The following PPP1R36 variants were observed in gnomAD, a reference collection of about 807,000 sequenced individuals.
PPP1R36 encodes chromosome 14 open reading frame 50.
PPP1R36 carries 47 observed loss-of-function variants against 53.4 expected under a neutral mutation model. The observed-to-expected ratio is 0.88, with a 90% CI of 0.70 to 1.12. The LOEUF is 1.12. PPP1R36 is among the 50% of genes most tolerant of loss of function. The pLI, the probability that PPP1R36 is intolerant of heterozygous loss-of-function variation, is 0.00. For synonymous variants in PPP1R36, 153 were observed against 170.5 expected (o/e 0.90, Z 0.80); for missense variants, 456 against 513.9 (o/e 0.89, Z 1.09).
intron 7 of PPP1R36, among the ~76,000 whole-genome samples, chr14:64,571,339 C>A (rs890096911): frequency 7.9e-5 from 12 of 152,066 alleles, no homozygotes; most frequent in African/African-American, 2.9e-4. Flanking sequence ...GTTGGCCAGG[C>A]TGACCTTGAA....
intron 1 of PPP1R36, among the ~76,000 whole-genome samples, chr14:64,550,679 A>G (rs763589392): frequency 5.9e-5 from 9 of 151,610 alleles, no homozygotes; most frequent in Non-Finnish European, 1.3e-4. Context: ...CTGCCGTTCT[A>G]CTGAAGCCAC....
intron 3 of PPP1R36, among the ~76,000 whole-genome samples, chr14:64,554,139 A>ATT (rs1235272685): frequency 1.1e-4 from 12 of 109,048 alleles, no homozygotes; most frequent in Non-Finnish European, 2.2e-4. Context: ...TCCCATCACA[A>ATT]TTGTTTTTTT....
chr14:64,586,293 A>C (rs1251874729), intron 8 of PPP1R36: 1 of 152,296 alleles, frequency 6.6e-6, no homozygotes, highest in Non-Finnish European at 1.5e-5. Context: ...CTTAACATTG[A>C]ATTTGTGTTG....
intron 10 of PPP1R36, 83 bp from the exon 11 acceptor site, chr14:64,588,021 G>A (rs558902179): frequency 7.5e-7 from 1 of 1,330,916 alleles, no homozygotes; most frequent in Non-Finnish European, 1.0e-6. Flanking sequence ...TGGGATTACA[G>A]GCATGAGCCA....
chr14:64,550,222 AG>A, intron 1 of PPP1R36, 156 bp downstream of exon 1: 1 of 1,369,152 alleles, frequency 7.3e-7, no homozygotes, highest in East Asian at 2.8e-5. Context: ...ATATTTGCCT[AG>A]AAAAAAAAAA....
intron 8 of PPP1R36, chr14:64,586,510 C>T (rs951197065): frequency 9.0e-6 from 2 of 222,350 alleles, no homozygotes; most frequent in Admixed American, 5.7e-5. Flanking sequence ...TTCTCTGCTT[C>T]CTCTTTACCA....
chr14:64,567,853 G>T (rs1275477635), intron 6 of PPP1R36, among the ~76,000 whole-genome samples: 1 of 151,948 alleles, frequency 6.6e-6, no homozygotes, highest in Admixed American at 6.6e-5. Context: ...AGTAGAGATG[G>T]GGTTTCGCCA....
At chr14:64,552,376 C>G (rs894901789) in intron 2 of PPP1R36, among the ~76,000 whole-genome samples, 6 of 152,134 alleles carry the variant, frequency 3.9e-5, no homozygotes, top group African/African-American at 1.4e-4. Context: ...GTAATCCCAG[C>G]TACTTGGGAG....
rs569075053 is a variant in PPP1R36 at position 64,564,464 on chromosome 14, C to T, written c.183-287C>T. Among the ~76,000 whole-genome samples, 65 of 152,322 alleles carry T rather than the reference C, an allele frequency of 4.3e-4. 2 individuals are homozygous for T. The South Asian group carries it at 0.013, about 30-fold the overall frequency. On this transcript the variant is annotated intron_variant, in intron 3 of 11. Coordinates refer to ENST00000298705, the MANE Select transcript of PPP1R36 (RefSeq NM_172365.3). The stretch of plus-strand genomic sequence containing the variant: ...TGCCTCAATAAATAATCTTTTCAAA[C>T]TTACCAAGAGCTTTCTGTTTCTTAT...
chr14:64,550,322 T>A, intron 1 of PPP1R36: 2 of 1,293,618 alleles, frequency 1.5e-6, no homozygotes, highest in Non-Finnish European at 9.8e-7. Context: ...CCTCACCACC[T>A]CTAATTGGTT....
chr14:64,587,780 A>G (rs1184097392), intron 10 of PPP1R36, among the ~76,000 whole-genome samples: 1 of 150,670 alleles, frequency 6.6e-6, no homozygotes, highest in Non-Finnish European at 1.5e-5. Flanking sequence ...TTTTTTTCAG[A>G]CAGGATCTCA....
intron 11 of PPP1R36, 127 bp from the exon 12 acceptor site, chr14:64,589,025 A>G (rs1216546299): frequency 3.2e-6 from 2 of 615,482 alleles, no homozygotes; most frequent in Admixed American, 7.2e-5. Context: ...AAAGAGAGAA[A>G]GAGTATATCT....
chr14:64,565,349 C>CA lies in PPP1R36; in HGVS notation c.270-4dup. ...AACACTACTAGAAACTGTTATATTC[C>CA]AAAACAGGTTGACAGATAAAAGACT... On this transcript the variant is annotated splice_polypyrimidine_tract_variant and splice_region_variant and intron_variant, in intron 4 of 11. Coordinates refer to ENST00000298705, the MANE Select transcript of PPP1R36 (RefSeq NM_172365.3). The CA allele has an allele frequency of 1.9e-6, 3 of 1,601,196 alleles. No individual in the cohort carries two copies. The highest frequency in any genetic ancestry group is 2.6e-6 in the Non-Finnish European group (3 of 1,170,620).
At chr14:64,556,765 TG>T (rs2080157463) in intron 3 of PPP1R36, among the ~76,000 whole-genome samples, 4 of 146,106 alleles carry the variant, frequency 2.7e-5, no homozygotes, top group Admixed American at 2.1e-4. Context: ...CCAAAAAATG[TG>T]TGTGTGTGTG....
Position 64,588,127 on chromosome 14 carries a change from C to T in PPP1R36, c.914C>T (p.Ala305Val). The T allele has an allele frequency of 6.2e-7, 1 of 1,603,340 alleles. No individual in the cohort carries two copies. Among genetic ancestry groups the T allele is most frequent in the Non-Finnish European group, 8.5e-7 (1 of 1,173,070 alleles). ...QFRRMMAKRP[A>V]IKKAINMRSP... is the part of the protein sequence containing the mutation. ...AGGAGAATGATGGCAAAACGCCCAG[C>T]AATTAAAAAAGCTATCAACATGCGT... Residue 305 changes from alanine (A) to valine (V), a missense_variant, in exon 11 of 12, where the codon GCA becomes GTA. By Grantham distance (64) the Ala-to-Val change is moderately conservative. Transcript: ENST00000298705.
chr14:64,588,317 G>A, intron 11 of PPP1R36, 22 bp downstream of exon 11: 1 of 1,578,242 alleles, frequency 6.3e-7, no homozygotes, highest in Non-Finnish European at 8.6e-7. Flanking sequence ...GGCAAGAGAA[G>A]CATGAGTGCC....
At chr14:64,570,404 C>T (rs1317128224) in intron 7 of PPP1R36, among the ~76,000 whole-genome samples, 1 of 152,050 alleles carries the variant, frequency 6.6e-6, no homozygotes, top group Admixed American at 6.5e-5. Context: ...ATCACTTGAA[C>T]CTGGGAGGCA....
chr14:64,569,651 A>G (rs10144661), intron 7 of PPP1R36, among the ~76,000 whole-genome samples: 25,175 of 152,110 alleles, frequency 0.17, 2,412 homozygotes, highest in East Asian at 0.21. Context: ...CATTTTTGGC[A>G]CTTTGGCTTA....
chr14:64,560,684 C>T (rs1366914905), intron 3 of PPP1R36, among the ~76,000 whole-genome samples: 1 of 152,020 alleles, frequency 6.6e-6, no homozygotes, highest in Non-Finnish European at 1.5e-5. Flanking sequence ...CATTTTCCAG[C>T]GTGAGCACCT....
Sources: allele counts gnomAD v4.1 joint callset (sites outside exome capture counted in the v4.1 genomes callset), GRCh38; gene constraint gnomAD v4.1.1; transcripts MANE v1.5; gene names NCBI Gene and HGNC (gene_info 2026-07-23, HGNC 2026-07-21).